SEMA3C: variants seen among roughly 807,000 people sequenced by gnomAD.
SEMA3C encodes semaphorin 3C, also known as semaphorin-3C.
In SEMA3C, 47 loss-of-function variants were observed where a neutral mutation model predicts 89.4. The ratio of observed to expected loss-of-function variants is 0.53; its 90% confidence interval spans 0.42 to 0.67. The LOEUF (loss-of-function observed/expected upper bound fraction) is 0.67, where lower values mean the gene tolerates loss of function less well. SEMA3C is among the 30% of genes least tolerant of loss of function. The probability of loss-of-function intolerance (pLI) is 0.00; values close to 1 mark genes in which losing one functional copy is unlikely to be tolerated. For synonymous variants in SEMA3C, 310 were observed against 320.2 expected (o/e 0.97, Z 0.34); for missense variants, 839 against 929.1 (o/e 0.90, Z 1.26).
At chr7:80,867,275 C>CT (rs927307673) in intron 2 of SEMA3C, among the ~76,000 whole-genome samples, 11 of 151,600 alleles carry the variant, frequency 7.3e-5, no homozygotes, top group African/African-American at 2.7e-4. Context: ...TTCTTTTTAA[C>CT]TTTTTTTTAG....
In SEMA3C at chr7:80,804,087, G is replaced by A. The variant is rs1789278626; in HGVS notation, c.801+19C>T. On this transcript the variant is annotated intron_variant, in intron 8 of 17. Transcript: ENST00000265361. The stretch of plus-strand genomic sequence containing the variant: ...AATTTCTTGGTCTTTCTTCAAATCG[G>A]AACAGCATTAATACTTACAGGACAT... 2 of 1,578,888 alleles carry A rather than the reference G, an allele frequency of 1.3e-6. No homozygotes were observed. The highest frequency in any genetic ancestry group is 1.7e-6 in the Non-Finnish European group (2 of 1,162,560).
chr7:80,751,325 C>T lies in SEMA3C; in HGVS notation c.1655G>A (p.Arg552Lys). The change falls in exon 16 of 18, where the codon AGA becomes AAA. Residue 552 changes from arginine (R) to lysine (K), a missense_variant. By Grantham distance (26) the Arg-to-Lys change is conservative. Transcript: ENST00000265361. Reference protein sequence around the residue: ...FYPTGKRRSRRQDVRHGNPLT... With the variant: ...FYPTGKRRSRKQDVRHGNPLT... The stretch of plus-strand genomic sequence containing the variant: ...TGGGTTTCCATGTCTCACATCTTGT[C>T]TTCGGCTCCTCCTGCAAGTGCAGAA... The T allele has an allele frequency of 6.2e-7, 1 of 1,613,900 alleles. No homozygotes were observed. Among genetic ancestry groups the T allele is most frequent in the Non-Finnish European group, 8.5e-7 (1 of 1,179,848 alleles).
intron 2 of SEMA3C, among the ~76,000 whole-genome samples, chr7:80,882,380 C>T (rs1791363199): frequency 6.8e-6 from 1 of 146,550 alleles, no homozygotes; most frequent in African/African-American, 2.5e-5. Flanking sequence ...TGAGTGAAAC[C>T]TCAAAATACA....
rs138674649 is a variant in SEMA3C, at chr7:80,745,490, T to C, written c.1843-183A>G. ...TCCATTGCCTTTTTTTTTTTAAACA[T>C]GGGAGATCTTGTCACAGTCACAGGG... On this transcript the variant is annotated intron_variant, in intron 17 of 17. Transcript: ENST00000265361. 1.9e-3 allele frequency among the ~76,000 whole-genome samples: 293 copies of C among 150,436 alleles called. 1 individual carries two copies. The highest frequency in any genetic ancestry group is 6.6e-3 in the African/African-American group (270 of 41,012).
chr7:80,847,414 A>T (rs548812872), intron 2 of SEMA3C: 1 of 152,298 alleles, frequency 6.6e-6, no homozygotes, highest in South Asian at 2.1e-4. Context: ...ATACAAGCCC[A>T]AATTTCTTAA....
intron 2 of SEMA3C, among the ~76,000 whole-genome samples, chr7:80,873,235 C>T (rs147418097): frequency 2.4e-3 from 358 of 152,272 alleles, no homozygotes; most frequent in Non-Finnish European, 4.2e-3. Context: ...CTGTGGTGAG[C>T]AGGGAAAAGT....
chr7:80,767,080 T>G (rs538068421), intron 12 of SEMA3C, among the ~76,000 whole-genome samples: 1 of 152,320 alleles, frequency 6.6e-6, no homozygotes, highest in South Asian at 2.1e-4. Context: ...CGCACAACTG[T>G]ATTTTTCTTC....
At chr7:80,825,638 TA>T (rs1277764228) in intron 4 of SEMA3C, among the ~76,000 whole-genome samples, 1 of 152,132 alleles carries the variant, frequency 6.6e-6, no homozygotes, top group Non-Finnish European at 1.5e-5. Context: ...CAAAGGTACC[TA>T]AATTCTGCAC....
At chr7:80,886,567 TG>T (rs1791484046) in intron 2 of SEMA3C, among the ~76,000 whole-genome samples, 2 of 152,146 alleles carry the variant, frequency 1.3e-5, no homozygotes, top group South Asian at 4.1e-4. Context: ...TTGGTCAGGC[TG>T]GTCTCGAACT....
At chr7:80,781,934 T>C (rs1788700226) in intron 12 of SEMA3C, among the ~76,000 whole-genome samples, 1 of 152,094 alleles carries the variant, frequency 6.6e-6, no homozygotes, top group African/African-American at 2.4e-5. Context: ...TGAGAGCCAC[T>C]AGGTCCTTGC....
At chr7:80,815,920 G>A (rs939750910) in intron 5 of SEMA3C, 1 of 152,110 alleles carries the variant, frequency 6.6e-6, no homozygotes, top group African/African-American at 2.4e-5. Flanking sequence ...AATATTCCAA[G>A]AATTTGTTGC....
At chr7:80,775,829 C>T (rs139817582) in intron 12 of SEMA3C, among the ~76,000 whole-genome samples, 1 of 152,118 alleles carries the variant, frequency 6.6e-6, no homozygotes, top group Non-Finnish European at 1.5e-5. Context: ...ACTTCTGAGG[C>T]ACATTTGGTT....
At chr7:80,850,903 T>A (rs1790496496) in intron 2 of SEMA3C, among the ~76,000 whole-genome samples, 1 of 152,192 alleles carries the variant, frequency 6.6e-6, no homozygotes, top group Non-Finnish European at 1.5e-5. Flanking sequence ...TCTCTCACAC[T>A]TCTAGAGACC....
At chr7:80,872,313 G>C (rs1008210230) in intron 2 of SEMA3C, among the ~76,000 whole-genome samples, 3 of 151,892 alleles carry the variant, frequency 2.0e-5, no homozygotes, top group African/African-American at 7.3e-5. Context: ...ACCGTGTCCA[G>C]CCAGTTTTTT....
intron 2 of SEMA3C, among the ~76,000 whole-genome samples, chr7:80,829,326 C>T (rs754214707): frequency 2.0e-5 from 3 of 152,092 alleles, no homozygotes; most frequent in Non-Finnish European, 4.4e-5. Context: ...TGGACATCAT[C>T]AGCTCAAAAC....
chr7:80,750,487 CACACACACACACACAT>C (rs1583840973), intron 16 of SEMA3C, among the ~76,000 whole-genome samples: 3 of 143,174 alleles, frequency 2.1e-5, no homozygotes, highest in South Asian at 2.2e-4. Flanking sequence ...CACACACACA[CACACACACACACACAT>C]ACACACACAC....
chr7:80,893,550 C>G (rs1791665157), intron 2 of SEMA3C, among the ~76,000 whole-genome samples: 1 of 152,018 alleles, frequency 6.6e-6, no homozygotes, highest in African/African-American at 2.4e-5. Context: ...ATTGTAAGTT[C>G]ATGGCAAGAA....
At chr7:80,841,221 G>T (rs1429601219) in intron 2 of SEMA3C, among the ~76,000 whole-genome samples, 1 of 152,172 alleles carries the variant, frequency 6.6e-6, no homozygotes, top group African/African-American at 2.4e-5. Context: ...TCTGCTTAAT[G>T]AAGAGTTCTT....
intron 2 of SEMA3C, among the ~76,000 whole-genome samples, chr7:80,830,588 G>A (rs1789986484): frequency 6.6e-6 from 1 of 152,172 alleles, no homozygotes; most frequent in African/African-American, 2.4e-5. Context: ...ACAATCAAGA[G>A]GTTAGAAAAA....
Sources: allele counts gnomAD v4.1 joint callset (sites outside exome capture counted in the v4.1 genomes callset), GRCh38; gene constraint gnomAD v4.1.1; transcripts MANE v1.5; gene names NCBI Gene and HGNC (gene_info 2026-07-23, HGNC 2026-07-21).